KANSL3: variants seen among roughly 807,000 people sequenced by gnomAD.
KANSL3 encodes the protein KAT8 regulatory NSL complex subunit 3.
A neutral mutation model predicts 89.2 loss-of-function variants in KANSL3; 16 were observed. That is an observed-to-expected ratio of 0.18 (90% confidence interval 0.12 to 0.27). The LOEUF (loss-of-function observed/expected upper bound fraction) is 0.27. Ranked by LOEUF, KANSL3 falls within the 10% of genes least tolerant of loss-of-function variation. The probability of loss-of-function intolerance (pLI) is 1.00; values close to 1 mark genes in which losing one functional copy is unlikely to be tolerated. For missense variants in KANSL3, 879 were observed against 1,110.6 expected, an observed-to-expected ratio of 0.79 and a Z score of 2.96; for synonymous variants, 385 against 419.7, an observed-to-expected ratio of 0.92 and a Z score of 1.01.
At chr2:96,592,185 G>A (rs2066287935), downstream of KANSL3, among the ~76,000 whole-genome samples, 1 of 151,988 alleles carries the variant, frequency 6.6e-6, no homozygotes, top group Non-Finnish European at 1.5e-5. Flanking sequence ...AGGGTAACAC[G>A]ATGTGCCCAG....
At chr2:96,591,755 AAG>A (rs1423617995), downstream of KANSL3, among the ~76,000 whole-genome samples, 1 of 152,178 alleles carries the variant, frequency 6.6e-6, no homozygotes, top group African/African-American at 2.4e-5. Flanking sequence ...AACTGAATGA[AAG>A]AGACCAGCCA....
chr2:96,614,939 TAATAA>T (rs1318188212), intron 5 of KANSL3: 1 of 151,110 alleles, frequency 6.6e-6, no homozygotes, highest in Non-Finnish European at 1.5e-5. Context: ...TAAAGTATAA[TAATAA>T]AATTAAAAAA....
chr2:96,627,969 A>G, intron 3 of KANSL3: 3 of 1,289,996 alleles, frequency 2.3e-6, no homozygotes, highest in Non-Finnish European at 3.0e-6. Flanking sequence ...AAGGCCTCCA[A>G]AATCTCATCA....
At chr2:96,607,123 G>T in intron 14 of KANSL3, 2 of 1,001,318 alleles carry the variant, frequency 2.0e-6, no homozygotes, top group Non-Finnish European at 2.7e-6. Context: ...TAAGAAAAAA[G>T]GTTGTAGAAA....
At chr2:96,612,979 T>C in intron 6 of KANSL3, 45 bp from the exon 7 acceptor site, 1 of 1,311,930 alleles carries the variant, frequency 7.6e-7, no homozygotes, top group Non-Finnish European at 1.1e-6. Flanking sequence ...GTGAGAAGTG[T>C]CCTTTCATGA....
rs867948639 is a variant in KANSL3 at position 96,608,986 on chromosome 2, C to A, written c.1462G>T (p.Ala488Ser). Residue 488 changes from alanine (A) to serine (S), a missense_variant, in exon 13 of 21, where the codon GCT becomes TCT. Ala to Ser is a moderately conservative substitution (Grantham distance 99, BLOSUM62 1). Coordinates refer to ENST00000431828, the MANE Select transcript of KANSL3 (RefSeq NM_001115016.3). The stretch of plus-strand genomic sequence containing the variant: ...TCGCGGGGCTTCTTCTTCTTCTCAG[C>A]ATCCTGATCCCGAGGTTCAGAGCCC... ...HMGSEPRDQD[A>S]EKKKKPRDVA... 4 of 1,563,246 alleles carry A rather than the reference C, an allele frequency of 2.6e-6. No individual in the cohort carries two copies. Among genetic ancestry groups the A allele is most frequent in the Non-Finnish European group, 3.5e-6 (4 of 1,153,590 alleles).
chr2:96,632,391 G>A (rs749695906), intron 2 of KANSL3, among the ~76,000 whole-genome samples: 1 of 151,930 alleles, frequency 6.6e-6, no homozygotes, highest in Non-Finnish European at 1.5e-5. Context: ...GAGCCCAGGA[G>A]GTTGAGGCTA....
At chr2:96,583,308 C>T in the KANSL3 span, among the ~76,000 whole-genome samples, 1 of 152,178 alleles carries the variant, frequency 6.6e-6, no homozygotes, top group African/African-American at 2.4e-5. Flanking sequence ...TTGGCTATTA[C>T]CAGATGTGGG....
In KANSL3 at chr2:96,601,640, C is replaced by A; in HGVS notation, c.2616+3G>T. 2.5e-6 allele frequency: 4 copies of A among 1,613,176 alleles called. No homozygotes were observed. The highest frequency in any genetic ancestry group is 3.4e-6 in the Non-Finnish European group (4 of 1,179,600). ...TGTCCTCAGTCCTTCCTGGCAGACT[C>A]ACCTGTGAGCTGGAGGGCAGCACCT... On this transcript the variant is annotated splice_donor_region_variant and intron_variant, in intron 20 of 20. Transcript: ENST00000431828.
rs767780740 is a variant in KANSL3, at chr2:96,604,759, A to T, written c.2018+20T>A. On this transcript the variant is annotated intron_variant, in intron 16 of 20. Transcript: ENST00000431828. ...GAAGGGAAAAAAGGAATAGACACAG[A>T]TGGTCCAATAAACACTCACTTGGCT... 1.9e-6 allele frequency: 3 copies of T among 1,568,008 alleles called. No homozygotes were observed. The highest frequency in any genetic ancestry group is 2.6e-6 in the Non-Finnish European group (3 of 1,152,820).
At chr2:96,605,743 T>C in intron 14 of KANSL3, 1 of 338,044 alleles carries the variant, frequency 3.0e-6, no homozygotes, top group South Asian at 5.7e-5. Flanking sequence ...ACCCTTCTCA[T>C]CCCTCATCCT....
In KANSL3 at chr2:96,631,428, G is replaced by A. The variant is rs1330490332; in HGVS notation, c.270C>T (p.Leu90=). The change falls in exon 3 of 21, where the codon CTC becomes CTT. Residue 90 remains leucine, a synonymous_variant. Coordinates refer to ENST00000431828, the MANE Select transcript of KANSL3 (RefSeq NM_001115016.3). ...CGCTGCGTGCCTTCTGATTGTCATA[G>A]AGTGGCATAGGCGTTGATGTGACCG... ...VETVTSTPMP[L]YDNQKARSVM... 6.3e-7 allele frequency: 1 copy of A among 1,597,674 alleles called. No homozygotes were observed. Among genetic ancestry groups the A allele is most frequent in the Non-Finnish European group, 8.5e-7 (1 of 1,171,634 alleles).
Position 96,602,748 on chromosome 2 carries a change from T to G in KANSL3, c.2259+5A>C. On this transcript the variant is annotated splice_donor_5th_base_variant and intron_variant, in intron 18 of 20. Coordinates refer to ENST00000431828, the MANE Select transcript of KANSL3 (RefSeq NM_001115016.3). ...TGCCCAGCCCAGCAGATGGCAGATG[T>G]GCACCTGTGGGGCTGGTCCTGGGGA... 1 of 1,584,390 alleles carries G rather than the reference T, an allele frequency of 6.3e-7. No homozygotes were observed. Among genetic ancestry groups the G allele is most frequent in the Admixed American group, 1.8e-5 (1 of 56,266 alleles).
At chr2:96,633,994 G>T (rs2073892460) in intron 2 of KANSL3, among the ~76,000 whole-genome samples, 2 of 152,214 alleles carry the variant, frequency 1.3e-5, no homozygotes, top group Non-Finnish European at 2.9e-5. Context: ...TTATTACAGA[G>T]AGTTCTGTTA....
chr2:96,600,167 AT>A (rs1218001463), intron 20 of KANSL3, among the ~76,000 whole-genome samples: 2 of 152,218 alleles, frequency 1.3e-5, no homozygotes, highest in African/African-American at 4.8e-5. Flanking sequence ...GACATGATTT[AT>A]AAAAAAAGGC....
chr2:96,593,050 T>C (rs367648622), downstream of KANSL3: 14 of 289,780 alleles, frequency 4.8e-5, no homozygotes, highest in East Asian at 1.1e-3. Flanking sequence ...CACCTGGCAT[T>C]GGTGAGGTGA....
rs1247723350 is a variant in KANSL3 at position 96,621,351 on chromosome 2, T to C, written c.387-1589A>G. 2.0e-5 allele frequency among the ~76,000 whole-genome samples: 3 copies of C among 151,080 alleles called. No individual in the cohort carries two copies. The East Asian group carries it at 5.9e-4, about 30-fold the overall frequency. ...CAATATGGTGAAACCCCATCTCTAC[T>C]AAAAATACAAAAATTAGCTGGGCGT... On this transcript the variant is annotated intron_variant, in intron 3 of 20. Coordinates refer to ENST00000431828, the MANE Select transcript of KANSL3 (RefSeq NM_001115016.3).
intron 2 of KANSL3, among the ~76,000 whole-genome samples, chr2:96,635,116 T>G (rs1457319120): frequency 1.3e-5 from 2 of 152,246 alleles, no homozygotes; most frequent in African/African-American, 4.8e-5. Context: ...AGCCTGCAGC[T>G]GGTCTTGTAA....
Position 96,612,829 on chromosome 2 carries a change from A to C in KANSL3, c.901T>G (p.Cys301Gly). ...RHRFWQSQLS[C>G]LGKVIPVATH... ...GCCCCCACACATACCTTGCCCAAGC[A>C]GGACAGCTGAGATTGCCAGAAGCGG... The change falls in exon 7 of 21, where the codon TGC becomes GGC. Residue 301 changes from cysteine (C) to glycine (G), a missense_variant. By Grantham distance (159) the Cys-to-Gly change is radical. This residue lies in a region of KANSL3 where 198 missense variants were observed against 260.3 expected (regional missense o/e 0.76). Transcript: ENST00000431828. 1 of 1,562,472 alleles carries C rather than the reference A, an allele frequency of 6.4e-7. No individual in the cohort carries two copies. Among genetic ancestry groups the C allele is most frequent in the Non-Finnish European group, 8.7e-7 (1 of 1,153,232 alleles).
Sources: allele counts gnomAD v4.1 joint callset (sites outside exome capture counted in the v4.1 genomes callset), GRCh38; gene constraint gnomAD v4.1.1; regional missense constraint gnomAD v4.1.1; transcripts MANE v1.5; gene names NCBI Gene and HGNC (gene_info 2026-07-23, HGNC 2026-07-21).